LRP1B: variants seen among roughly 807,000 people sequenced by gnomAD.
LRP1B encodes the protein LDL receptor related protein 1B.
Under a neutral mutation model 556.6 loss-of-function variants are expected in LRP1B, and 217 were observed. The observed-to-expected ratio is 0.39, with a 90% CI of 0.35 to 0.44. The LOEUF is 0.44. Ranked by LOEUF, LRP1B falls within the 20% of genes least tolerant of loss-of-function variation. The probability of loss-of-function intolerance (pLI) is 1.00; values close to 1 mark genes in which losing one functional copy is unlikely to be tolerated. For synonymous variants in LRP1B, 2,047 were observed against 1,865.8 expected (o/e 1.10, Z -2.50); for missense variants, 5,053 against 5,620.8 (o/e 0.90, Z 3.23).
At chr2:140,495,508 A>G (rs2104872226) in intron 56 of LRP1B, 57 bp downstream of exon 56, 1 of 1,476,702 alleles carries the variant, frequency 6.8e-7, no homozygotes. Flanking sequence ...CGGCTATAAA[A>G]TTCAGGATCC....
intron 2 of LRP1B, among the ~76,000 whole-genome samples, chr2:141,696,707 C>A (rs1691743189): frequency 2.0e-5 from 3 of 151,868 alleles, no homozygotes; most frequent in Admixed American, 2.0e-4. Flanking sequence ...TGGGGAAGAA[C>A]CACTATAGTG....
intron 3 of LRP1B, among the ~76,000 whole-genome samples, chr2:141,359,476 G>A (rs576356832): frequency 2.0e-4 from 30 of 152,238 alleles, no homozygotes; most frequent in Non-Finnish European, 4.1e-4. Context: ...TACATAACTT[G>A]GCCGGGAGTG....
At chr2:140,363,199 C>CCCTTTTGT (rs1682599121) in intron 72 of LRP1B, among the ~76,000 whole-genome samples, 1 of 151,522 alleles carries the variant, frequency 6.6e-6, no homozygotes, top group African/African-American at 2.4e-5. Context: ...TCAAAAAGAA[C>CCCTTTTGT]CCTTTTGTTG....
At chr2:141,273,684 G>C (rs981655322) in intron 3 of LRP1B, among the ~76,000 whole-genome samples, 5 of 152,074 alleles carry the variant, frequency 3.3e-5, no homozygotes, top group Non-Finnish European at 5.9e-5. Flanking sequence ...AGGCTTGTTT[G>C]GTATGATATA....
chr2:141,406,591 TATC>T (rs1047601917), intron 3 of LRP1B, among the ~76,000 whole-genome samples: 3 of 142,654 alleles, frequency 2.1e-5, no homozygotes, highest in African/African-American at 5.2e-5. Flanking sequence ...TCTATCTATC[TATC>T]ATCTATCTTA....
At chr2:140,458,048 T>G (rs16844001) in intron 60 of LRP1B, among the ~76,000 whole-genome samples, 7,459 of 152,188 alleles carry the variant, frequency 0.049, 258 homozygotes, top group Non-Finnish European at 0.057. Context: ...CTGGTTGTTC[T>G]TAACTTAAAT....
intron 2 of LRP1B, among the ~76,000 whole-genome samples, chr2:141,621,084 A>T (rs752289556): frequency 2.0e-5 from 3 of 152,174 alleles, no homozygotes; most frequent in Admixed American, 6.5e-5. Flanking sequence ...AAATGTTAAG[A>T]TTGTCTCTAT....
At chr2:142,112,752 G>T (rs1013223428) in intron 1 of LRP1B, among the ~76,000 whole-genome samples, 5 of 152,048 alleles carry the variant, frequency 3.3e-5, no homozygotes, top group African/African-American at 1.2e-4. Flanking sequence ...TGGTTCTGAT[G>T]TGCTCAGTAC....
chr2:141,956,909 T>G (rs1048740141), intron 1 of LRP1B, among the ~76,000 whole-genome samples: 2 of 152,052 alleles, frequency 1.3e-5, no homozygotes, highest in Non-Finnish European at 2.9e-5. Context: ...GAAAGTTCTT[T>G]AGTGCCCTAA....
intron 3 of LRP1B, among the ~76,000 whole-genome samples, chr2:141,414,856 C>G (rs1474738306): frequency 6.6e-6 from 1 of 152,178 alleles, no homozygotes; most frequent in East Asian, 1.9e-4. Flanking sequence ...AAATGTTCAA[C>G]AGAACATTTA....
chr2:141,453,105 T>A (rs1233040534), intron 3 of LRP1B, among the ~76,000 whole-genome samples: 1 of 151,874 alleles, frequency 6.6e-6, no homozygotes, highest in East Asian at 1.9e-4. Context: ...GATGTGGTGG[T>A]ACATGCCTGT....
chr2:140,501,859 C>T lies in LRP1B; in HGVS notation c.8678G>A (p.Ser2893Asn), dbSNP rs889156427. 1.2e-6 allele frequency: 2 copies of T among 1,604,988 alleles called. No individual in the cohort carries two copies. The highest frequency in any genetic ancestry group is 1.7e-6 in the Non-Finnish European group (2 of 1,175,064). ...GCCATTTTTGCACATAAAAAATGAA[C>T]TGTTGCATGACTGTTCTGGAAAAAA... ...KCKSAEQSCN[S>N]SFFMCKNGRC... Residue 2893 changes from serine to asparagine, a missense_variant, in exon 55 of 91, where the codon AGT becomes AAT. By Grantham distance (46) the Ser-to-Asn change is conservative. Around this residue, in one of 5 missense-constraint regions of LRP1B, gnomAD observed 3,619 missense variants for 3,931.9 expected, o/e 0.92. Coordinates refer to ENST00000389484, the MANE Select transcript of LRP1B (RefSeq NM_018557.3).
chr2:141,963,724 G>C (rs1481468903), intron 1 of LRP1B, among the ~76,000 whole-genome samples: 1 of 147,776 alleles, frequency 6.8e-6, no homozygotes, highest in Non-Finnish European at 1.5e-5. Context: ...ATTCAACATA[G>C]TGTTGGAACT....
At chr2:141,026,153 G>C (rs569005158) in intron 11 of LRP1B, among the ~76,000 whole-genome samples, 1 of 152,168 alleles carries the variant, frequency 6.6e-6, no homozygotes, top group South Asian at 2.1e-4. Context: ...TTTTAGAACT[G>C]TGAAGTTTAT....
chr2:141,006,156 A>C (rs1238108225), intron 14 of LRP1B, among the ~76,000 whole-genome samples: 2 of 152,010 alleles, frequency 1.3e-5, no homozygotes, highest in Admixed American at 6.6e-5. Flanking sequence ...AAAATCGAGT[A>C]ATTATTTTTA....
Position 141,945,662 on chromosome 2 carries a change from GT to G in LRP1B, c.83-135262del, listed in dbSNP as rs761471300. Among the ~76,000 whole-genome samples, 225 of 151,762 alleles carry G rather than the reference GT, an allele frequency of 1.5e-3. 1 individual carries two copies. Among genetic ancestry groups the G allele is most frequent in the Admixed American group, 2.4e-3 (36 of 15,228 alleles). The stretch of plus-strand genomic sequence containing the variant: ...TATTCTTGATTATAATGCCCACCCA[GT>G]TTTACTCATTACTAAACAAATCATC... On this transcript the variant is annotated intron_variant, in intron 1 of 90. Coordinates refer to ENST00000389484, the MANE Select transcript of LRP1B (RefSeq NM_018557.3).
chr2:141,470,045 C>A (rs564078079), intron 3 of LRP1B, among the ~76,000 whole-genome samples: 5 of 150,458 alleles, frequency 3.3e-5, no homozygotes, highest in African/African-American at 1.2e-4. Context: ...AAAACATAGT[C>A]TGTATAAGAT....
chr2:141,200,412 G>A (rs1333387617), intron 6 of LRP1B, among the ~76,000 whole-genome samples: 1 of 152,068 alleles, frequency 6.6e-6, no homozygotes, highest in Non-Finnish European at 1.5e-5. Flanking sequence ...AGAGCAACAG[G>A]AAAAATAGCT....
chr2:140,352,619 T>G (rs1331887637), intron 76 of LRP1B, among the ~76,000 whole-genome samples: 1 of 152,188 alleles, frequency 6.6e-6, no homozygotes, highest in Non-Finnish European at 1.5e-5. Flanking sequence ...CCCTGGGGTA[T>G]AATTTTTCTC....
Sources: allele counts gnomAD v4.1 joint callset (sites outside exome capture counted in the v4.1 genomes callset), GRCh38; gene constraint gnomAD v4.1.1; regional missense constraint gnomAD v4.1.1; transcripts MANE v1.5; gene names NCBI Gene and HGNC (gene_info 2026-07-23, HGNC 2026-07-21).